VKORC1L1: variants seen among roughly 807,000 people sequenced by gnomAD.
The protein encoded by VKORC1L1 is vitamin K epoxide reductase complex subunit 1L1.
VKORC1L1 carries 2 observed loss-of-function variants against 18.9 expected under a neutral mutation model. The observed-to-expected ratio is 0.11, with a 90% CI of 0.04 to 0.33. VKORC1L1 has a LOEUF of 0.33. VKORC1L1 is among the 10% of genes least tolerant of loss of function. VKORC1L1 has a pLI of 1.00. For synonymous variants in VKORC1L1, 96 were observed against 100.0 expected (o/e 0.96, Z 0.24); for missense variants, 123 against 224.1 (o/e 0.55, Z 2.88).
chr7:65,911,164 A>G (rs753344516), intron 1 of VKORC1L1, among the ~76,000 whole-genome samples: 2 of 152,152 alleles, frequency 1.3e-5, no homozygotes, highest in African/African-American at 2.4e-5. Flanking sequence ...GTGGTTTACT[A>G]TATTCAGAGG....
At position 65,901,376 on chromosome 7, in the gene VKORC1L1, A is replaced by G. The variant is rs956679805; in HGVS notation, c.194+27811A>G. 2.6e-5 allele frequency among the ~76,000 whole-genome samples: 4 copies of G among 152,306 alleles called. No homozygotes were observed. The East Asian group carries it at 7.7e-4, about 29-fold the overall frequency. On this transcript the variant is annotated intron_variant, in intron 1 of 2. Coordinates refer to ENST00000360768, the MANE Select transcript of VKORC1L1 (RefSeq NM_173517.6). The stretch of plus-strand genomic sequence containing the variant: ...ATCTCAAAACAGCAACAACAACAAG[A>G]TACAAATTGAGAAACTGTTACTTGA...
chr7:65,907,139 A>AGTAAAAATG (rs1433072386), intron 1 of VKORC1L1, among the ~76,000 whole-genome samples: 1 of 152,184 alleles, frequency 6.6e-6, no homozygotes, highest in African/African-American at 2.4e-5. Flanking sequence ...TTAAAACTTA[A>AGTAAAAATG]GTAAAAATGG....
At chr7:65,942,800 C>A (rs1279975650) in intron 1 of VKORC1L1, among the ~76,000 whole-genome samples, 4 of 151,386 alleles carry the variant, frequency 2.6e-5, no homozygotes, top group East Asian at 4.0e-4. Flanking sequence ...TGCTGGGATT[C>A]CAGGCATGAG....
At chr7:65,929,680 G>GTATTTATATATATATATA (rs150255530) in intron 1 of VKORC1L1, among the ~76,000 whole-genome samples, 1 of 103,774 alleles carries the variant, frequency 9.6e-6, no homozygotes, top group Admixed American at 1.1e-4. Flanking sequence ...ATGTGTGTGT[G>GTATTTATATATATATATA]TGTATATATA....
intron 1 of VKORC1L1, among the ~76,000 whole-genome samples, chr7:65,909,292 T>C (rs894094083): frequency 2.0e-5 from 3 of 151,616 alleles, no homozygotes; most frequent in African/African-American, 7.3e-5. Flanking sequence ...ACAGCATCAC[T>C]TTCAAGTGAC....
At chr7:65,877,028 TAG>T (rs1274169855) in intron 1 of VKORC1L1, among the ~76,000 whole-genome samples, 1 of 152,028 alleles carries the variant, frequency 6.6e-6, no homozygotes, top group Non-Finnish European at 1.5e-5. Context: ...GCCTGGGTGG[TAG>T]AGAGAGACCC....
At chr7:65,870,128 A>C (rs1387234721), upstream of VKORC1L1, among the ~76,000 whole-genome samples, 1 of 151,926 alleles carries the variant, frequency 6.6e-6, no homozygotes, top group Non-Finnish European at 1.5e-5. Flanking sequence ...TCATTCATTC[A>C]TTCAAAATAT....
chr7:65,873,170 C>A lies in VKORC1L1; in HGVS notation c.-202C>A. The A allele has an allele frequency of 1.6e-6, 1 of 612,594 alleles. No homozygotes were observed. Among genetic ancestry groups the A allele is most frequent in the Non-Finnish European group, 2.0e-6 (1 of 490,152 alleles). The allele number at this position is 612,594 out of a possible 1,614,324, so 37.9% of individuals were successfully genotyped here. ...CTTCCCCGCCCCGTCCGCCTCACTC[C>A]TTTTGGGGCGGTTGGGCCGCGCGCC... On this transcript the variant is annotated 5_prime_UTR_variant, in exon 1 of 3. Transcript: ENST00000360768.
intron 1 of VKORC1L1, among the ~76,000 whole-genome samples, chr7:65,895,516 T>C (rs3112835): frequency 0.17 from 12,041 of 70,174 alleles, 1,168 homozygotes; most frequent in African/African-American, 0.27. Context: ...TATATATATA[T>C]ACACACACAC....
In VKORC1L1 at chr7:65,873,275, AGGCGGCGGTGGCGGCGGT is replaced by A. The variant is rs1296360600; in HGVS notation, c.-90_-73del. On this transcript the variant is annotated 5_prime_UTR_variant, in exon 1 of 3. Coordinates refer to ENST00000360768, the MANE Select transcript of VKORC1L1 (RefSeq NM_173517.6). ...GCGGCGGTGGTGGCGGCGGCGGCGG[AGGCGGCGGTGGCGGCGGT>A]GGCGGCTGGGTCGGGCCCCGACGGG... 2.2e-5 allele frequency: 21 copies of A among 949,250 alleles called. 1 individual carries two copies. The highest frequency in any genetic ancestry group is 2.1e-4 in the African/African-American group (10 of 48,466). 58.8% of individuals were successfully genotyped at this position (949,250 alleles called of 1,614,324 possible).
At chr7:65,939,975 C>T (rs1358175581) in intron 1 of VKORC1L1, among the ~76,000 whole-genome samples, 1 of 151,924 alleles carries the variant, frequency 6.6e-6, no homozygotes, top group Non-Finnish European at 1.5e-5. Context: ...GATCATGACG[C>T]TAAAGAAATG....
intron 2 of VKORC1L1, among the ~76,000 whole-genome samples, chr7:65,950,225 A>G (rs913424913): frequency 6.6e-6 from 1 of 152,140 alleles, no homozygotes; most frequent in Non-Finnish European, 1.5e-5. Flanking sequence ...GGATCCCGAT[A>G]CTAGTACATT....
chr7:65,875,816 T>C (rs961548053), intron 1 of VKORC1L1, among the ~76,000 whole-genome samples: 1 of 152,238 alleles, frequency 6.6e-6, no homozygotes, highest in Non-Finnish European at 1.5e-5. Context: ...TATGTGACTC[T>C]TTTAGGAAAA....
intron 1 of VKORC1L1, among the ~76,000 whole-genome samples, chr7:65,906,457 G>A (rs926081613): frequency 1.3e-5 from 2 of 152,124 alleles, no homozygotes; most frequent in African/African-American, 4.8e-5. Flanking sequence ...TACCATGTGG[G>A]AGTAATCTCT....
intron 1 of VKORC1L1, among the ~76,000 whole-genome samples, chr7:65,897,036 C>T (rs1789225681): frequency 6.6e-6 from 1 of 152,108 alleles, no homozygotes; most frequent in Non-Finnish European, 1.5e-5. Flanking sequence ...ACAACCTAGA[C>T]ATGGCAAAAA....
intron 1 of VKORC1L1, among the ~76,000 whole-genome samples, chr7:65,936,495 G>A (rs1300453138): frequency 6.6e-6 from 1 of 152,142 alleles, no homozygotes; most frequent in Non-Finnish European, 1.5e-5. Context: ...TGGGTGATGG[G>A]TTCAATGCCA....
upstream of VKORC1L1, among the ~76,000 whole-genome samples, chr7:65,870,652 A>G (rs574197480): frequency 3.0e-4 from 45 of 152,342 alleles, no homozygotes; most frequent in African/African-American, 1.1e-3. Flanking sequence ...AACCTCCCAG[A>G]CCTATTGATG....
intron 2 of VKORC1L1, among the ~76,000 whole-genome samples, chr7:65,949,991 A>G (rs913392853): frequency 6.6e-6 from 1 of 152,174 alleles, no homozygotes; most frequent in Non-Finnish European, 1.5e-5. Flanking sequence ...AGATATTTTC[A>G]ATTTTAATCA....
intron 1 of VKORC1L1, among the ~76,000 whole-genome samples, chr7:65,907,801 CA>C (rs983221809): frequency 6.6e-6 from 1 of 152,106 alleles, no homozygotes; most frequent in African/African-American, 2.4e-5. Context: ...ACAATCAGAA[CA>C]TTTGGTTATT....
Sources: gnomAD v4.1 joint callset for allele counts (sites outside exome capture counted in the v4.1 genomes callset) on GRCh38, gnomAD v4.1.1 for gene constraint, MANE v1.5 for transcripts, NCBI Gene and HGNC (gene_info 2026-07-23, HGNC 2026-07-21) for gene names.